The following MYO6 variants were observed in gnomAD, a reference collection of about 807,000 sequenced individuals.
MYO6 encodes the protein unconventional myosin-VI.
Under a neutral mutation model 178.7 loss-of-function variants are expected in MYO6, and 74 were observed. The observed-to-expected ratio is 0.41, with a 90% CI of 0.34 to 0.50. The LOEUF is 0.50. Ranked by LOEUF, MYO6 falls within the 20% of genes least tolerant of loss-of-function variation. The probability of loss-of-function intolerance (pLI) is 0.09; values close to 1 mark genes in which losing one functional copy is unlikely to be tolerated. For synonymous variants in MYO6, 477 were observed against 504.6 expected, an observed-to-expected ratio of 0.95 and a Z score of 0.73; for missense variants, 1,330 against 1,547.4, an observed-to-expected ratio of 0.86 and a Z score of 2.36.
At chr6:75,889,734 G>C (rs1308258711) in intron 25 of MYO6, among the ~76,000 whole-genome samples, 1 of 152,070 alleles carries the variant, frequency 6.6e-6, no homozygotes, top group African/African-American at 2.4e-5. Flanking sequence ...TTTAACTGCA[G>C]TATATTACCT....
intron 20 of MYO6, 87 bp from the exon 21 acceptor site, chr6:75,879,733 C>T: frequency 6.3e-7 from 1 of 1,586,362 alleles, no homozygotes; most frequent in Non-Finnish European, 8.7e-7. Flanking sequence ...CGTTTCTAAA[C>T]AGTATCTTAC....
intron 14 of MYO6, among the ~76,000 whole-genome samples, chr6:75,860,341 CGTT>C (rs1776098408): frequency 1.3e-5 from 2 of 152,252 alleles, no homozygotes; most frequent in South Asian, 4.1e-4. Flanking sequence ...TCTCTGAAAA[CGTT>C]TATCCAGTCA....
At chr6:75,772,565 T>C (rs1765999722) in intron 1 of MYO6, among the ~76,000 whole-genome samples, 2 of 152,176 alleles carry the variant, frequency 1.3e-5, no homozygotes, top group African/African-American at 4.8e-5. Context: ...GTTCAGACAG[T>C]ATTGAGCATC....
At position 75,891,333 on chromosome 6, in the gene MYO6, A is replaced by G. The variant is rs368015253; in HGVS notation, c.2946+27A>G. ...TATGTACTTACTGGGTTGAATTTCT[A>G]TTAAAATGGAACCTACAGGCTGGGT... On this transcript the variant is annotated intron_variant, in intron 27 of 34. Transcript: ENST00000369977. 7 of 1,546,252 alleles carry G rather than the reference A, an allele frequency of 4.5e-6. No homozygotes were observed. In the African/African-American group the frequency reaches 6.8e-5, roughly 15 times the overall value.
chr6:75,840,069 T>C (rs1774060396), intron 7 of MYO6, among the ~76,000 whole-genome samples: 1 of 152,152 alleles, frequency 6.6e-6, no homozygotes, highest in South Asian at 2.1e-4. Flanking sequence ...GAAATTTTCC[T>C]ATCTCATGGA....
At chr6:75,871,435 A>T (rs935677111) in intron 19 of MYO6, among the ~76,000 whole-genome samples, 1 of 152,064 alleles carries the variant, frequency 6.6e-6, no homozygotes, top group African/African-American at 2.4e-5. Flanking sequence ...TTTTTTGTAG[A>T]TATGAGGTTT....
intron 30 of MYO6, among the ~76,000 whole-genome samples, chr6:75,901,701 T>C (rs976375359): frequency 3.3e-5 from 5 of 152,196 alleles, no homozygotes; most frequent in Admixed American, 1.3e-4. Flanking sequence ...CTTTTCCTAA[T>C]TGAATACCCT....
chr6:75,750,296 C>CATCTTGGCCAGGCAGGTCTTGAA (rs910163087), intron 1 of MYO6, among the ~76,000 whole-genome samples: 1 of 151,966 alleles, frequency 6.6e-6, no homozygotes, highest in Non-Finnish European at 1.5e-5. Context: ...GGGGTTTCAC[C>CATCTTGGCCAGGCAGGTCTTGAA]ATCTTGGCCA....
chr6:75,898,884 C>T (rs1407949910), intron 30 of MYO6, among the ~76,000 whole-genome samples: 1 of 152,120 alleles, frequency 6.6e-6, no homozygotes, highest in Non-Finnish European at 1.5e-5. Flanking sequence ...GTAAATTGAG[C>T]CACCAGCAGG....
intron 1 of MYO6, among the ~76,000 whole-genome samples, chr6:75,759,712 A>T (rs1237153769): frequency 1.3e-5 from 2 of 152,112 alleles, no homozygotes; most frequent in African/African-American, 2.4e-5. Flanking sequence ...GGTACATTTT[A>T]AAAAAAACTT....
In MYO6 at chr6:75,749,298, G is replaced by A; in HGVS notation, c.-173G>A. On this transcript the variant is annotated 5_prime_UTR_variant, in exon 1 of 35. Transcript: ENST00000369977. ...CAGCCTCAGCCCGGCCGCTGTCGCC[G>A]CCCTGTCCTGGTGCCCGTCCGCGTC... is the stretch of plus-strand genomic sequence containing the variant. 6.5e-6 allele frequency: 1 copy of A among 153,096 alleles called. No individual in the cohort carries two copies. The highest frequency in any genetic ancestry group is 1.5e-5 in the Non-Finnish European group (1 of 68,792). The allele number at this position is 153,096 out of a possible 1,614,324, so 9.5% of individuals were successfully genotyped here.
intron 1 of MYO6, among the ~76,000 whole-genome samples, chr6:75,790,924 A>G (rs1768162156): frequency 6.6e-6 from 1 of 152,026 alleles, no homozygotes; most frequent in African/African-American, 2.4e-5. Flanking sequence ...TCATAGTAAT[A>G]TAATAGCTGT....
chr6:75,809,070 G>C (rs753894629), intron 1 of MYO6, among the ~76,000 whole-genome samples: 2 of 152,226 alleles, frequency 1.3e-5, no homozygotes, highest in Non-Finnish European at 2.9e-5. Flanking sequence ...ATGAGCCTCA[G>C]CGAGATGACT....
At chr6:75,824,016 A>T (rs756942918) in intron 3 of MYO6, among the ~76,000 whole-genome samples, 25 of 152,236 alleles carry the variant, frequency 1.6e-4, no homozygotes, top group Non-Finnish European at 3.1e-4. Context: ...TAGCAATCAG[A>T]ATAAAATAAT....
chr6:75,830,923 A>AT (rs897205046), intron 5 of MYO6, among the ~76,000 whole-genome samples: 1 of 152,184 alleles, frequency 6.6e-6, no homozygotes, highest in African/African-American at 2.4e-5. Context: ...TCTGGCCTTC[A>AT]TCTCTTACCC....
intron 5 of MYO6, among the ~76,000 whole-genome samples, chr6:75,831,197 G>A (rs915647158): frequency 6.6e-6 from 1 of 152,100 alleles, no homozygotes; most frequent in Non-Finnish European, 1.5e-5. Context: ...CACCAAATGC[G>A]GAGGTGTTAG....
intron 7 of MYO6, among the ~76,000 whole-genome samples, chr6:75,840,201 G>A (rs1774076478): frequency 7.3e-6 from 1 of 137,394 alleles, no homozygotes. Flanking sequence ...TGTTCTTGTC[G>A]CCCAGGCTGG....
intron 3 of MYO6, among the ~76,000 whole-genome samples, chr6:75,825,455 T>A (rs1772366777): frequency 6.6e-6 from 1 of 152,044 alleles, no homozygotes; most frequent in Non-Finnish European, 1.5e-5. Flanking sequence ...TAGTTGAGCA[T>A]GGTGGTGGGC....
Position 75,817,610 on chromosome 6 carries a change from T to C in MYO6, c.63T>C (p.Ile21=). 6.2e-7 allele frequency: 1 copy of C among 1,614,196 alleles called. No individual in the cohort carries two copies. The highest frequency in any genetic ancestry group is 8.5e-7 in the Non-Finnish European group (1 of 1,180,020). Residue 21 remains isoleucine, a synonymous_variant, in exon 2 of 35, where the codon ATT becomes ATC. Coordinates refer to ENST00000369977, the MANE Select transcript of MYO6 (RefSeq NM_004999.4). ...HPTDGFQMGN[I]VDIGPDSLTI... is the part of the protein sequence containing the mutation. ...CAGATGGATTTCAGATGGGCAATATTGTGGATATTGGCCCCGACAGCTTAA... is the reference window on the plus strand; with the variant it reads ...CAGATGGATTTCAGATGGGCAATATCGTGGATATTGGCCCCGACAGCTTAA...
Sources: gnomAD v4.1 joint callset for allele counts (sites outside exome capture counted in the v4.1 genomes callset) on GRCh38, gnomAD v4.1.1 for gene constraint, MANE v1.5 for transcripts, NCBI Gene and HGNC (gene_info 2026-07-23, HGNC 2026-07-21) for gene names.